EFL1: variants seen among roughly 807,000 people sequenced by gnomAD.
EFL1 encodes elongation factor like GTPase 1.
Under a neutral mutation model 126.7 loss-of-function variants are expected in EFL1, and 76 were observed. That is an observed-to-expected ratio of 0.60 (90% CI 0.50 to 0.73). The LOEUF (loss-of-function observed/expected upper bound fraction) is 0.73, where lower values mean the gene tolerates loss of function less well. Among genes scored for constraint, EFL1 ranks in the 30% least tolerant of loss-of-function variants. EFL1 has a pLI of 0.00. For missense variants in EFL1, 1,128 were observed against 1,343.2 expected (o/e 0.84, Z 2.50); for synonymous variants, 410 against 448.4 (o/e 0.91, Z 1.08).
At position 82,220,576 on chromosome 15, in the gene EFL1, C is replaced by T. The variant is rs138599942; in HGVS notation, c.1293-347G>A. On this transcript the variant is annotated intron_variant, in intron 12 of 19. Transcript: ENST00000268206. Reference sequence around the variant, plus strand: ...CAGTGACAGATACTAGGGTTTGGAACGACTCTGGCAGGGAAACAAGCATAA... The same window carrying T: ...CAGTGACAGATACTAGGGTTTGGAATGACTCTGGCAGGGAAACAAGCATAA... 9.7e-3 allele frequency among the ~76,000 whole-genome samples: 1,471 copies of T among 152,224 alleles called. 15 individuals carry two copies. The highest frequency in any genetic ancestry group is 0.034 in the African/African-American group (1,402 of 41,506).
At chr15:82,202,512 T>C (rs535556669) in intron 15 of EFL1, among the ~76,000 whole-genome samples, 31 of 152,276 alleles carry the variant, frequency 2.0e-4, no homozygotes, top group African/African-American at 7.2e-4. Context: ...TGATATTTTT[T>C]TGAAATGAAA....
In EFL1 at chr15:82,261,772, G is replaced by T. The variant is rs1441459070; in HGVS notation, c.7C>A (p.Leu3Ile). The T allele has an allele frequency of 6.2e-7, 1 of 1,613,604 alleles. No individual in the cohort carries two copies. The highest frequency in any genetic ancestry group is 2.2e-5 in the East Asian group (1 of 44,860). ...TGAATCATCTTATCCAAACTGTTGAGCACCATGATTACTTATTTCCTGTGA... is the reference window on the plus strand; with the variant it reads ...TGAATCATCTTATCCAAACTGTTGATCACCATGATTACTTATTTCCTGTGA... Reference protein sequence around the residue: MVLNSLDKMIQLQ... With the variant: MVINSLDKMIQLQ... Residue 3 changes from leucine to isoleucine, a missense_variant, in exon 2 of 20, where the codon CTC becomes ATC. By Grantham distance (5) the Leu-to-Ile change is conservative. Coordinates refer to ENST00000268206, the MANE Select transcript of EFL1 (RefSeq NM_024580.6).
chr15:82,171,933 A>G (rs1309547990), intron 15 of EFL1, among the ~76,000 whole-genome samples: 2 of 152,110 alleles, frequency 1.3e-5, no homozygotes, highest in Non-Finnish European at 2.9e-5. Context: ...AGATGCTTTC[A>G]ATGTCGAAAG....
intron 15 of EFL1, among the ~76,000 whole-genome samples, chr15:82,168,890 A>G (rs187971448): frequency 1.3e-5 from 2 of 152,318 alleles, no homozygotes; most frequent in Admixed American, 6.5e-5. Flanking sequence ...GTAACACCTA[A>G]AGAATGAAAA....
chr15:82,152,894 A>G (rs1372320592), intron 17 of EFL1, among the ~76,000 whole-genome samples: 1 of 152,240 alleles, frequency 6.6e-6, no homozygotes, highest in Non-Finnish European at 1.5e-5. Context: ...TTTGATAATG[A>G]GGCTTATAGC....
intron 15 of EFL1, among the ~76,000 whole-genome samples, chr15:82,211,349 A>AC (rs564426782): frequency 1.3e-5 from 2 of 151,670 alleles, no homozygotes; most frequent in South Asian, 4.2e-4. Context: ...ACCTGGTGAA[A>AC]CCCCATCTCT....
chr15:82,131,275 C>T (rs544152874), intron 19 of EFL1, among the ~76,000 whole-genome samples: 18 of 152,204 alleles, frequency 1.2e-4, no homozygotes, highest in African/African-American at 4.1e-4. Context: ...CATGTAACTA[C>T]ACTCTTATTA....
At chr15:82,259,065 G>A (rs781287891) in intron 3 of EFL1, 23 bp downstream of exon 3, 1 of 1,603,194 alleles carries the variant, frequency 6.2e-7, no homozygotes, top group Non-Finnish European at 8.5e-7. Flanking sequence ...AATGCAACAA[G>A]TATTTATAAA....
At chr15:82,177,883 G>A (rs770548898) in intron 15 of EFL1, among the ~76,000 whole-genome samples, 4 of 152,126 alleles carry the variant, frequency 2.6e-5, no homozygotes, top group Non-Finnish European at 5.9e-5. Flanking sequence ...AGAAAGTGCT[G>A]CAAAATGTAG....
intron 15 of EFL1, among the ~76,000 whole-genome samples, chr15:82,169,998 G>A (rs1202110761): frequency 3.3e-5 from 5 of 151,594 alleles, no homozygotes; most frequent in South Asian, 2.1e-4. Context: ...GACAGAAACC[G>A]AAAAGGTTAT....
At chr15:82,203,998 T>C (rs1215201074) in intron 15 of EFL1, among the ~76,000 whole-genome samples, 1 of 152,244 alleles carries the variant, frequency 6.6e-6, no homozygotes, top group Non-Finnish European at 1.5e-5. Context: ...TTTTTTCAAG[T>C]GGTTGTATCA....
intron 16 of EFL1, chr15:82,160,032 C>G (rs936413576): frequency 6.6e-6 from 1 of 152,298 alleles, no homozygotes; most frequent in African/African-American, 2.4e-5. Flanking sequence ...TCATCCTTGC[C>G]TCCTGATATT....
rs566785485 is a variant in EFL1 at position 82,215,079 on chromosome 15, T to C, written c.1612-224A>G. Among the ~76,000 whole-genome samples the C allele has an allele frequency of 2.6e-5, 4 of 152,348 alleles. No individual in the cohort carries two copies. The East Asian group carries it at 5.8e-4, about 22-fold the overall frequency. On this transcript the variant is annotated intron_variant, in intron 14 of 19. Transcript: ENST00000268206. ...TACTAAAAAATTGTCTAGATTCCCATTTAATCATAAGCTTTATGGCTAAGT... is the reference window on the plus strand; with the variant it reads ...TACTAAAAAATTGTCTAGATTCCCACTTAATCATAAGCTTTATGGCTAAGT...
At chr15:82,205,216 C>T (rs1263047541) in intron 15 of EFL1, among the ~76,000 whole-genome samples, 1 of 152,210 alleles carries the variant, frequency 6.6e-6, no homozygotes, top group Non-Finnish European at 1.5e-5. Context: ...TCTTATATTT[C>T]AATGTCTATG....
Position 82,146,577 on chromosome 15 carries a change from C to T in EFL1, c.2989+4888G>A, listed in dbSNP as rs1371518986. On this transcript the variant is annotated intron_variant, in intron 18 of 19. Coordinates refer to ENST00000268206, the MANE Select transcript of EFL1 (RefSeq NM_024580.6). ...AAAACAGGCTTCAGAGGACATTCTC[C>T]AGTCTAAGCAAGAGGACTTCAAATC... Among the ~76,000 whole-genome samples, 8 of 148,168 alleles carry T rather than the reference C, an allele frequency of 5.4e-5. No homozygotes were observed. The Admixed American group carries it at 5.4e-4, about 10-fold the overall frequency.
chr15:82,144,708 T>C (rs554316305), intron 18 of EFL1, among the ~76,000 whole-genome samples: 27 of 152,074 alleles, frequency 1.8e-4, no homozygotes, highest in African/African-American at 5.8e-4. Context: ...TAAGAAAAGG[T>C]TTAAAGGCTA....
intron 19 of EFL1, among the ~76,000 whole-genome samples, chr15:82,131,547 G>T (rs1001744539): frequency 1.1e-4 from 16 of 152,254 alleles, no homozygotes; most frequent in South Asian, 4.1e-4. Flanking sequence ...GTTCAAGTTT[G>T]GGGGAGGCTG....
At chr15:82,167,780 T>C (rs2074094646) in intron 15 of EFL1, among the ~76,000 whole-genome samples, 1 of 152,230 alleles carries the variant, frequency 6.6e-6, no homozygotes, top group Non-Finnish European at 1.5e-5. Flanking sequence ...TGCTCTTTCA[T>C]TGTACTGTTA....
chr15:82,154,770 TTC>T (rs1415939182), intron 17 of EFL1, among the ~76,000 whole-genome samples: 1 of 152,168 alleles, frequency 6.6e-6, no homozygotes, highest in Non-Finnish European at 1.5e-5. Flanking sequence ...CTTCTTTTTG[TTC>T]TTTTTTAAAA....
Sources: allele counts gnomAD v4.1 joint callset (sites outside exome capture counted in the v4.1 genomes callset), GRCh38; gene constraint gnomAD v4.1.1; transcripts MANE v1.5; gene names NCBI Gene and HGNC (gene_info 2026-07-23, HGNC 2026-07-21).